The following DNAH6 variants were observed in gnomAD, a reference collection of about 807,000 sequenced individuals.
DNAH6 encodes the protein axonemal beta dynein heavy chain 6.
In DNAH6, 340 loss-of-function variants were observed where a neutral mutation model predicts 491.4. The observed-to-expected ratio is 0.69, with a 90% CI of 0.63 to 0.76. The LOEUF (loss-of-function observed/expected upper bound fraction) is 0.76, where lower values mean the gene tolerates loss of function less well. Among genes scored for constraint, DNAH6 ranks in the 30% least tolerant of loss-of-function variants. DNAH6 has a pLI of 0.00. For synonymous variants in DNAH6, 1,603 were observed against 1,686.1 expected, an observed-to-expected ratio of 0.95 and a Z score of 1.21; for missense variants, 4,443 against 4,972.2, an observed-to-expected ratio of 0.89 and a Z score of 3.20.
chr2:84,689,458 A>G (rs1694627053), intron 45 of DNAH6, among the ~76,000 whole-genome samples: 2 of 152,278 alleles, frequency 1.3e-5, no homozygotes, highest in African/African-American at 4.8e-5. Context: ...TGCCTGGAGC[A>G]TCTCCGCCTC....
At chr2:84,714,753 C>G (rs1697361385) in intron 57 of DNAH6, among the ~76,000 whole-genome samples, 1 of 151,746 alleles carries the variant, frequency 6.6e-6, no homozygotes, top group African/African-American at 2.4e-5. Flanking sequence ...CCACAAGACC[C>G]AAGCCTAGCT....
At chr2:84,736,381 A>G (rs925593191) in intron 62 of DNAH6, among the ~76,000 whole-genome samples, 1 of 152,186 alleles carries the variant, frequency 6.6e-6, no homozygotes, top group African/African-American at 2.4e-5. Flanking sequence ...TTCTATGGAA[A>G]ATGACATTGG....
the DNAH6 span, among the ~76,000 whole-genome samples, chr2:84,503,382 T>C: frequency 2.0e-5 from 3 of 152,170 alleles, no homozygotes; most frequent in East Asian, 1.9e-4. Context: ...ATTTTTGTTA[T>C]TGTTTCATCA....
intron 41 of DNAH6, among the ~76,000 whole-genome samples, chr2:84,679,952 C>T (rs1216330312): frequency 1.3e-5 from 2 of 152,176 alleles, no homozygotes; most frequent in East Asian, 1.9e-4. Context: ...TTTTTACATA[C>T]ATATAACATA....
chr2:84,775,140 A>G (rs1425816447), intron 64 of DNAH6, among the ~76,000 whole-genome samples: 2 of 152,142 alleles, frequency 1.3e-5, no homozygotes, highest in Non-Finnish European at 2.9e-5. Context: ...TTGGCTGTGG[A>G]TCTGTCATAG....
chr2:84,656,568 A>G (rs1236683730), intron 35 of DNAH6, among the ~76,000 whole-genome samples: 2 of 152,046 alleles, frequency 1.3e-5, no homozygotes, highest in African/African-American at 4.8e-5. Flanking sequence ...TTTGTTTGCT[A>G]TCTATGTATC....
intron 68 of DNAH6, among the ~76,000 whole-genome samples, chr2:84,789,120 A>G (rs1218605888): frequency 1.3e-5 from 2 of 152,202 alleles, no homozygotes; most frequent in Non-Finnish European, 2.9e-5. Flanking sequence ...ATCAGTAGCA[A>G]TTTATAAATG....
the DNAH6 span, among the ~76,000 whole-genome samples, chr2:84,500,346 TGTGGATTTGTTTCTGG>T: frequency 6.6e-6 from 1 of 152,194 alleles, no homozygotes; most frequent in African/African-American, 2.4e-5. Context: ...ACTATAGGTG[TGTGGATTTGTTTCTGG>T]GTTCTCTATT....
chr2:84,703,742 C>G (rs926021101), intron 50 of DNAH6, among the ~76,000 whole-genome samples, 180 bp downstream of exon 50: 7 of 151,640 alleles, frequency 4.6e-5, no homozygotes, highest in African/African-American at 1.7e-4. Context: ...AAACAATCTC[C>G]CTTTACTAAA....
intron 60 of DNAH6, among the ~76,000 whole-genome samples, chr2:84,723,742 T>G (rs1340171030): frequency 7.2e-5 from 11 of 152,218 alleles, no homozygotes; most frequent in Non-Finnish European, 1.5e-5. Flanking sequence ...GAGACTCTCT[T>G]GTTTTATTTC....
chr2:84,712,635 A>C (rs1180847247), intron 56 of DNAH6, among the ~76,000 whole-genome samples: 1 of 152,128 alleles, frequency 6.6e-6, no homozygotes, highest in African/African-American at 2.4e-5. Context: ...TGTTTTTACA[A>C]CCCTTAAAAA....
At chr2:84,644,720 C>T (rs748248978) in intron 33 of DNAH6, among the ~76,000 whole-genome samples, 1 of 152,138 alleles carries the variant, frequency 6.6e-6, no homozygotes, top group Non-Finnish European at 1.5e-5. Flanking sequence ...CATTAGTTTG[C>T]TAAGGATAAT....
the DNAH6 span, among the ~76,000 whole-genome samples, chr2:84,461,445 G>A: frequency 6.6e-6 from 1 of 152,088 alleles, no homozygotes; most frequent in Admixed American, 6.6e-5. Flanking sequence ...CATAGGTAGG[G>A]GACAACCACA....
At chr2:84,573,433 T>C in intron 11 of DNAH6, 34 bp from the exon 12 acceptor site, 8 of 1,541,596 alleles carry the variant, frequency 5.2e-6, no homozygotes, top group Non-Finnish European at 7.0e-6. Flanking sequence ...AACAAAAATA[T>C]GGTCATATTT....
chr2:84,814,114 G>A lies in DNAH6; in HGVS notation c.12142G>A (p.Asp4048Asn). Residue 4048 changes from aspartate (D) to asparagine (N), a missense_variant, in exon 75 of 77, where the codon GAC becomes AAC. By Grantham distance (23) the Asp-to-Asn change is conservative (BLOSUM62 1). Transcript: ENST00000389394. ...GCAATTTGGACAAGAACTGCCCATG[G>A]ACATGGAGGTATTGTCCACCTGGCT... ...TVQFGQELPM[D>N]MELPSPEDGV... The A allele has an allele frequency of 6.4e-7, 1 of 1,551,528 alleles. No homozygotes were observed. Among genetic ancestry groups the A allele is most frequent in the Non-Finnish European group, 8.7e-7 (1 of 1,146,916 alleles).
At chr2:84,786,362 G>T (rs1397022939) in intron 67 of DNAH6, among the ~76,000 whole-genome samples, 13 of 150,624 alleles carry the variant, frequency 8.6e-5, no homozygotes, top group African/African-American at 2.7e-4. Flanking sequence ...GGAGGTCAAG[G>T]CTGAATGAAC....
chr2:84,645,955 G>A (rs1689850877), intron 33 of DNAH6, among the ~76,000 whole-genome samples: 1 of 152,094 alleles, frequency 6.6e-6, no homozygotes, highest in Non-Finnish European at 1.5e-5. Context: ...GGTATCTACA[G>A]GCATACCTCA....
At chr2:84,662,045 A>T (rs538812260) in intron 37 of DNAH6, among the ~76,000 whole-genome samples, 1 of 152,146 alleles carries the variant, frequency 6.6e-6, no homozygotes, top group African/African-American at 2.4e-5. Context: ...ATATTTACAT[A>T]TATGAAACTC....
intron 64 of DNAH6, among the ~76,000 whole-genome samples, chr2:84,779,186 A>T (rs1291987620): frequency 6.6e-6 from 1 of 152,138 alleles, no homozygotes; most frequent in Non-Finnish European, 1.5e-5. Context: ...TATGTCCAGA[A>T]TTTTTTTGTT....
Sources: allele counts gnomAD v4.1 joint callset (sites outside exome capture counted in the v4.1 genomes callset), GRCh38; gene constraint gnomAD v4.1.1; transcripts MANE v1.5; gene names NCBI Gene and HGNC (gene_info 2026-07-23, HGNC 2026-07-21).